The following DNAJB12 variants were observed in gnomAD, a reference collection of about 807,000 sequenced individuals.
The protein encoded by DNAJB12 is dnaJ homolog subfamily B member 12.
A neutral mutation model predicts 40.6 loss-of-function variants in DNAJB12; 14 were observed. The observed-to-expected ratio is 0.34, with a 90% CI of 0.23 to 0.54. The LOEUF (loss-of-function observed/expected upper bound fraction) is 0.54, where lower values mean the gene tolerates loss of function less well. Among genes scored for constraint, DNAJB12 ranks in the 20% least tolerant of loss-of-function variants. DNAJB12 has a pLI of 0.92. For missense variants in DNAJB12, 444 were observed against 501.7 expected (o/e 0.89, Z 1.10); for synonymous variants, 181 against 199.5 (o/e 0.91, Z 0.78).
In DNAJB12 at chr10:72,333,675, G is replaced by A. The variant is rs1417759310; in HGVS notation, c.*973C>T. The A allele has an allele frequency of 6.5e-6, 1 of 152,738 alleles. No individual in the cohort carries two copies. The highest frequency in any genetic ancestry group is 2.4e-5 in the African/African-American group (1 of 41,464). The allele number at this position is 152,738 out of a possible 1,614,324, so 9.5% of individuals were successfully genotyped here. On this transcript the variant is annotated 3_prime_UTR_variant, in exon 9 of 9. Coordinates refer to ENST00000444643, the MANE Select transcript of DNAJB12 (RefSeq NM_017626.7). ...GGACTTAGGGGTGGGGAAATGGTTA[G>A]GTAGATCCTGGCCCCCTCTGCAGGC...
chr10:72,338,166 T>C lies in DNAJB12; in HGVS notation c.833+36A>G, dbSNP rs373284718. The C allele has an allele frequency of 3.8e-6, 6 of 1,578,554 alleles. No individual in the cohort carries two copies. The East Asian group carries it at 1.3e-4, about 35-fold the overall frequency. ...ATGGGGCTGAGAATTTAAAGCCCCT[T>C]GTCTGCCCATGGCCCGGCCTCACCC... On this transcript the variant is annotated intron_variant, in intron 6 of 8. Transcript: ENST00000444643.
chr10:72,347,785 C>CAAG (rs1330757898), intron 1 of DNAJB12, among the ~76,000 whole-genome samples: 8 of 151,386 alleles, frequency 5.3e-5, no homozygotes, highest in South Asian at 2.1e-4. Flanking sequence ...TGGTGGTGGG[C>CAAG]GCTTGTAATC....
chr10:72,336,731 G>A (rs1227197921), intron 6 of DNAJB12, 35 bp from the exon 7 acceptor site: 1 of 1,601,302 alleles, frequency 6.2e-7, no homozygotes, highest in African/African-American at 1.3e-5. Flanking sequence ...GTGGGTGCGG[G>A]TCCCCATGCC....
chr10:72,336,013 G>T (rs1423885770), intron 7 of DNAJB12, 82 bp from the exon 8 acceptor site: 1 of 1,558,960 alleles, frequency 6.4e-7, no homozygotes, highest in East Asian at 2.3e-5. Context: ...TGTGGAGGGC[G>T]GAGGAAAGCT....
At chr10:72,346,786 T>G (rs984581767) in intron 1 of DNAJB12, among the ~76,000 whole-genome samples, 1 of 152,048 alleles carries the variant, frequency 6.6e-6, no homozygotes, top group Admixed American at 6.6e-5. Context: ...CTACTTTAAT[T>G]GCTATTTCTT....
intron 5 of DNAJB12, 146 bp downstream of exon 5, chr10:72,340,643 G>T: frequency 1.3e-6 from 1 of 768,152 alleles, no homozygotes; most frequent in Non-Finnish European, 2.1e-6. Flanking sequence ...GGCAAGGGAG[G>T]CCCAGAGGGC....
chr10:72,336,747 C>T (rs1277245300), intron 6 of DNAJB12, 51 bp from the exon 7 acceptor site: 17 of 1,550,538 alleles, frequency 1.1e-5, no homozygotes, highest in Non-Finnish European at 1.5e-5. Context: ...ATGCCCAGGG[C>T]ACTCTAGGGG....
Position 72,334,615 on chromosome 10 carries a change from A to C in DNAJB12, c.*33T>G, listed in dbSNP as rs918347470. The C allele has an allele frequency of 2.6e-6, 4 of 1,533,424 alleles. No homozygotes were observed. Among genetic ancestry groups the C allele is most frequent in the Admixed American group, 2.0e-5 (1 of 50,242 alleles). The allele number at this position is 1,533,424 out of a possible 1,614,324, so 95.0% of individuals were successfully genotyped here. A position where few individuals can be genotyped will look rare whatever the true frequency, so the allele number is the denominator to read the frequency against. ...ACCAAAAATTCTCCAGGGATTTCATAGTCTGGGGAGGAGAGTGGCAACAGT... is the reference window on the plus strand; with the variant it reads ...ACCAAAAATTCTCCAGGGATTTCATCGTCTGGGGAGGAGAGTGGCAACAGT... On this transcript the variant is annotated splice_region_variant and 3_prime_UTR_variant, in exon 9 of 9. Transcript: ENST00000444643.
chr10:72,336,789 AC>A, intron 6 of DNAJB12, 93 bp from the exon 7 acceptor site: 1 of 1,062,046 alleles, frequency 9.4e-7, no homozygotes, highest in Non-Finnish European at 1.4e-6. Context: ...TGCCGCACAG[AC>A]CAGAGGAGTA....
chr10:72,340,567 C>T (rs551830224), intron 5 of DNAJB12, among the ~76,000 whole-genome samples: 2 of 152,318 alleles, frequency 1.3e-5, no homozygotes, highest in African/African-American at 4.8e-5. Flanking sequence ...AGCAAAGCCG[C>T]GCTCCCGCCG....
intron 7 of DNAJB12, 50 bp downstream of exon 7, chr10:72,336,474 C>T (rs112696929): frequency 9.5e-5 from 150 of 1,580,252 alleles, no homozygotes; most frequent in Non-Finnish European, 1.2e-4. Flanking sequence ...TTTCCAGCTT[C>T]ATCCCAAGCC....
chr10:72,351,172 A>T (rs144565817), intron 1 of DNAJB12, among the ~76,000 whole-genome samples: 1 of 152,264 alleles, frequency 6.6e-6, no homozygotes, highest in East Asian at 1.9e-4. Flanking sequence ...TTTGTTACAA[A>T]GCCTGAGTCA....
Position 72,341,209 on chromosome 10 carries a change from G to C in DNAJB12, c.458-39C>G, listed in dbSNP as rs762565615. On this transcript the variant is annotated intron_variant, in intron 3 of 8. Transcript: ENST00000444643. ...GGAAAGGTCAGGCCTGAGGATCCTG[G>C]GGTGCGGGGGGAGGCTCCCATGGCA... 7 of 1,575,254 alleles carry C rather than the reference G, an allele frequency of 4.4e-6. No homozygotes were observed. The South Asian group carries it at 6.8e-5, about 15-fold the overall frequency.
chr10:72,343,832 A>G (rs113972446), intron 2 of DNAJB12, among the ~76,000 whole-genome samples: 5 of 151,328 alleles, frequency 3.3e-5, no homozygotes, highest in African/African-American at 9.7e-5. Context: ...GTCGGTGTCC[A>G]TCACCCAGGG....
In DNAJB12 at chr10:72,343,409, G is replaced by A. The variant is rs1418278239; in HGVS notation, c.414C>T (p.His138=). 6.2e-7 allele frequency: 1 copy of A among 1,614,110 alleles called. No homozygotes were observed. The highest frequency in any genetic ancestry group is 8.5e-7 in the Non-Finnish European group (1 of 1,179,986). Residue 138 remains histidine, a synonymous_variant, in exon 3 of 9, where the codon CAC becomes CAT. Coordinates refer to ENST00000444643, the MANE Select transcript of DNAJB12 (RefSeq NM_017626.7). ...KAYRRLALKF[H]PDKNHAPGAT... is the part of the protein sequence containing the mutation. The stretch of plus-strand genomic sequence containing the variant: ...CACCAGGTGCGTGGTTCTTGTCTGG[G>A]TGGAATTTGAGGGCCAGTCTGCGGT...
At chr10:72,341,925 C>CGACTTTAT (rs1326887436) in intron 3 of DNAJB12, among the ~76,000 whole-genome samples, 5 of 152,206 alleles carry the variant, frequency 3.3e-5, no homozygotes, top group Admixed American at 3.3e-4. Flanking sequence ...GTTCTCTCTC[C>CGACTTTAT]GACTTTATGA....
chr10:72,351,862 G>A (rs947555036), intron 1 of DNAJB12, among the ~76,000 whole-genome samples: 1 of 152,190 alleles, frequency 6.6e-6, no homozygotes, highest in Non-Finnish European at 1.5e-5. Context: ...CTATCCCACT[G>A]GCACCTCCCA....
At position 72,333,679 on chromosome 10, in the gene DNAJB12, G is replaced by T. The variant is rs1861382276; in HGVS notation, c.*969C>A. On this transcript the variant is annotated 3_prime_UTR_variant, in exon 9 of 9. Coordinates refer to ENST00000444643, the MANE Select transcript of DNAJB12 (RefSeq NM_017626.7). Reference sequence around the variant, plus strand: ...TTAGGGGTGGGGAAATGGTTAGGTAGATCCTGGCCCCCTCTGCAGGCCTTC... The same window carrying T: ...TTAGGGGTGGGGAAATGGTTAGGTATATCCTGGCCCCCTCTGCAGGCCTTC... 6.5e-6 allele frequency: 1 copy of T among 152,734 alleles called. No individual in the cohort carries two copies. Among genetic ancestry groups the T allele is most frequent in the East Asian group, 1.9e-4 (1 of 5,204 alleles). 9.5% of individuals were successfully genotyped at this position (152,734 alleles called of 1,614,324 possible).
At chr10:72,336,849 G>A (rs1861492561) in intron 6 of DNAJB12, 153 bp from the exon 7 acceptor site, 1 of 594,308 alleles carries the variant, frequency 1.7e-6, no homozygotes, top group Admixed American at 3.2e-5. Flanking sequence ...TCCCTGAAAG[G>A]AGAGTCTGAG....
Sources: allele counts gnomAD v4.1 joint callset (sites outside exome capture counted in the v4.1 genomes callset), GRCh38; gene constraint gnomAD v4.1.1; transcripts MANE v1.5; gene names NCBI Gene and HGNC (gene_info 2026-07-23, HGNC 2026-07-21).